Variants in ANO5 observed in about 807,000 individuals in gnomAD.
ANO5 encodes the protein anoctamin-5.
A neutral mutation model predicts 121.0 loss-of-function variants in ANO5; 109 were observed. The ratio of observed to expected loss-of-function variants is 0.90; its 90% CI spans 0.77 to 1.06. The LOEUF is 1.06. Among genes scored for constraint, ANO5 ranks in the 50% least tolerant of loss-of-function variants. The pLI is 0.00. For synonymous variants in ANO5, 406 were observed against 359.9 expected (o/e 1.13, Z -1.45); for missense variants, 1,064 against 1,078.5 (o/e 0.99, Z 0.19).
chr11:22,228,051 T>G (rs937313544), intron 7 of ANO5, among the ~76,000 whole-genome samples: 1 of 152,112 alleles, frequency 6.6e-6, no homozygotes, highest in Non-Finnish European at 1.5e-5. Flanking sequence ...TACAACTATT[T>G]TCTGCCTTCT....
At chr11:22,234,842 C>T (rs1470258630) in intron 7 of ANO5, among the ~76,000 whole-genome samples, 1 of 152,074 alleles carries the variant, frequency 6.6e-6, no homozygotes, top group Admixed American at 6.6e-5. Flanking sequence ...CTGTTTATCC[C>T]CATTGATCCA....
chr11:22,234,610 A>G lies in ANO5; in HGVS notation c.649-1553A>G, dbSNP rs1353910730. ...AAAAATTTGAAAACCACACATATCC[A>G]TTTTTCATTAGTGTTTTGAAGACCC... is the stretch of plus-strand genomic sequence containing the variant. On this transcript the variant is annotated intron_variant, in intron 7 of 21. Coordinates refer to ENST00000324559, the MANE Select transcript of ANO5 (RefSeq NM_213599.3). Among the ~76,000 whole-genome samples, 10 of 152,182 alleles carry G rather than the reference A, an allele frequency of 6.6e-5. No homozygotes were observed. The East Asian group carries it at 1.9e-3, about 29-fold the overall frequency.
chr11:22,200,992 C>T (rs1304121733), intron 1 of ANO5, among the ~76,000 whole-genome samples: 1 of 152,218 alleles, frequency 6.6e-6, no homozygotes, highest in East Asian at 1.9e-4. Context: ...CAAGGATGCT[C>T]AAGTCCCTTA....
chr11:22,233,295 A>AT (rs34560215), intron 7 of ANO5, among the ~76,000 whole-genome samples: 22,769 of 151,882 alleles, frequency 0.15, 4,981 homozygotes, highest in African/African-American at 0.48. Flanking sequence ...TAAGACCCTT[A>AT]TTAGCTTTTT....
chr11:22,262,283 G>A lies in ANO5; in HGVS notation c.1785G>A (p.Glu595=). Residue 595 remains glutamate, a synonymous_variant, in exon 16 of 22, where the codon GAG becomes GAA. Transcript: ENST00000324559. ...YPGKYTYLFN[E]WRSEECDPGG... ...GAAAATACACATATTTATTTAATGA[G>A]TGGAGAAGTGAAGAGGTAAGAATTT... The A allele has an allele frequency of 6.2e-7, 1 of 1,613,714 alleles. No homozygotes were observed. Among genetic ancestry groups the A allele is most frequent in the Non-Finnish European group, 8.5e-7 (1 of 1,179,884 alleles).
chr11:22,229,538 A>T (rs1441054750), intron 7 of ANO5, among the ~76,000 whole-genome samples: 1 of 152,012 alleles, frequency 6.6e-6, no homozygotes. Context: ...AAATATGATC[A>T]TTTCTCTTAA....
chr11:22,244,966 AC>A (rs1434605124), intron 9 of ANO5, among the ~76,000 whole-genome samples: 1 of 152,090 alleles, frequency 6.6e-6, no homozygotes, highest in East Asian at 1.9e-4. Context: ...GAGTTCTTGC[AC>A]TGAATCTTTC....
At chr11:22,271,411 A>C (rs1854608599) in intron 18 of ANO5, among the ~76,000 whole-genome samples, 2 of 152,240 alleles carry the variant, frequency 1.3e-5, no homozygotes, top group Non-Finnish European at 2.9e-5. Context: ...GAGATGAGCC[A>C]AAATTCTTCA....
chr11:22,259,394 T>C (rs1459711781), intron 14 of ANO5, 125 bp from the exon 15 acceptor site: 2 of 978,502 alleles, frequency 2.0e-6, no homozygotes, highest in Non-Finnish European at 3.2e-6. Context: ...TGACTTAGTT[T>C]GCTTTGCACA....
In ANO5 at chr11:22,274,686, C is replaced by T. The variant is rs749699281; in HGVS notation, c.2353C>T (p.Leu785=). 9.3e-6 allele frequency: 15 copies of T among 1,613,480 alleles called. No individual in the cohort carries two copies. Among genetic ancestry groups the T allele is most frequent in the South Asian group, 1.1e-5 (1 of 91,074 alleles). The change falls in exon 20 of 22, where the codon CTG becomes TTG. Residue 785 remains leucine, a synonymous_variant. Coordinates refer to ENST00000324559, the MANE Select transcript of ANO5 (RefSeq NM_213599.3). ...GYVNNSLSVF[L]IADFPNHTAP... is the part of the protein sequence containing the mutation. ...TGTGAATAATAGCCTGTCAGTATTC[C>T]TGATAGCTGATTTTCCAAACCACAC...
In ANO5 at chr11:22,262,985, T is replaced by C. The variant is rs532097575; in HGVS notation, c.1840T>C (p.Leu614=). 1.2e-5 allele frequency: 20 copies of C among 1,613,738 alleles called. No homozygotes were observed. In the South Asian group the frequency reaches 1.6e-4, roughly 13 times the overall value. ...CTGTCTTATAGAATTGACAACCCAA[T>C]TGACCATTATAATGACCGGGAAACA... is the stretch of plus-strand genomic sequence containing the variant. ...GGCLIELTTQ[L]TIIMTGKQIF... is the part of the protein sequence containing the mutation. Residue 614 remains leucine (L), a synonymous_variant, in exon 17 of 22, where the codon TTG becomes CTG. Coordinates refer to ENST00000324559, the MANE Select transcript of ANO5 (RefSeq NM_213599.3).
At chr11:22,223,537 T>C (rs1261404449) in intron 5 of ANO5, among the ~76,000 whole-genome samples, 2 of 151,990 alleles carry the variant, frequency 1.3e-5, no homozygotes, top group African/African-American at 4.8e-5. Context: ...ATAACACTGT[T>C]TGTAAAAACA....
chr11:22,236,818 C>T (rs778052447), intron 8 of ANO5, among the ~76,000 whole-genome samples: 9 of 152,146 alleles, frequency 5.9e-5, no homozygotes, highest in African/African-American at 9.7e-5. Flanking sequence ...GGCTTCAGTG[C>T]ATAAGAATGC....
chr11:22,237,829 T>C (rs1421795642), intron 8 of ANO5, among the ~76,000 whole-genome samples: 8 of 152,114 alleles, frequency 5.3e-5, no homozygotes, highest in Non-Finnish European at 2.9e-5. Flanking sequence ...AAACATCCAC[T>C]GAGGGTTGGT....
At chr11:22,279,205 C>G (rs1358226941) in intron 21 of ANO5, among the ~76,000 whole-genome samples, 1 of 151,856 alleles carries the variant, frequency 6.6e-6, no homozygotes, top group Non-Finnish European at 1.5e-5. Flanking sequence ...CTATCAGTCA[C>G]CACATCACCA....
chr11:22,281,099 C>T lies in ANO5; in HGVS notation c.*1334C>T, dbSNP rs1477815559. The T allele has an allele frequency of 6.6e-6, 1 of 151,966 alleles. No homozygotes were observed. Among genetic ancestry groups the T allele is most frequent in the Non-Finnish European group, 1.5e-5 (1 of 67,878 alleles). The allele number at this position is 151,966 out of a possible 1,614,324, so 9.4% of individuals were successfully genotyped here. A position where few individuals can be genotyped will look rare whatever the true frequency, so the allele number is the denominator to read the frequency against. ...ATGTATAACTTTGTGTATACACACACACACATCTATATATATAATTATTAG... is the reference window on the plus strand; with the variant it reads ...ATGTATAACTTTGTGTATACACACATACACATCTATATATATAATTATTAG... On this transcript the variant is annotated 3_prime_UTR_variant, in exon 22 of 22. Coordinates refer to ENST00000324559, the MANE Select transcript of ANO5 (RefSeq NM_213599.3).
At chr11:22,278,191 T>A (rs1854937199) in intron 21 of ANO5, among the ~76,000 whole-genome samples, 1 of 151,684 alleles carries the variant, frequency 6.6e-6, no homozygotes, top group African/African-American at 2.4e-5. Flanking sequence ...GTTTTAGGAT[T>A]CTGTCATTAG....
In ANO5 at chr11:22,214,419, A is replaced by G. The variant is rs78038686; in HGVS notation, c.138+3105A>G. 9.1e-3 allele frequency among the ~76,000 whole-genome samples: 1,388 copies of G among 152,028 alleles called. 28 individuals carry two copies. The highest frequency in any genetic ancestry group is 0.032 in the African/African-American group (1,316 of 41,506). ...CACAAAAGAAAAATCTGTATAAATT[A>G]GGGTCCTGTTAGGCCTACTCAGTGT... On this transcript the variant is annotated intron_variant, in intron 3 of 21. Transcript: ENST00000324559.
rs982878428 is a variant in ANO5, at chr11:22,251,149, A to G, written c.1180+138A>G. On this transcript the variant is annotated intron_variant, in intron 12 of 21. Transcript: ENST00000324559. Reference sequence around the variant, plus strand: ...ATTGTGTCTTTGTTAGCATTAATATACTGATGGAGTGCATATTAGTGGCCA... The same window carrying G: ...ATTGTGTCTTTGTTAGCATTAATATGCTGATGGAGTGCATATTAGTGGCCA... 4.5e-6 allele frequency: 4 copies of G among 890,218 alleles called. No individual in the cohort carries two copies. In the Admixed American group the frequency reaches 6.0e-5, roughly 13 times the overall value. 55.1% of individuals were successfully genotyped at this position (890,218 alleles called of 1,614,324 possible).
Sources: gnomAD v4.1 joint callset for allele counts (sites outside exome capture counted in the v4.1 genomes callset) on GRCh38, gnomAD v4.1.1 for gene constraint, MANE v1.5 for transcripts, NCBI Gene and HGNC (gene_info 2026-07-23, HGNC 2026-07-21) for gene names.